The following HSPBAP1 variants were observed in gnomAD, a reference collection of about 807,000 sequenced individuals.
The protein encoded by HSPBAP1 is HSPB1 associated protein 1, also known as HSPB1-associated protein 1.
Under a neutral mutation model 45.2 loss-of-function variants are expected in HSPBAP1, and 27 were observed. The ratio of observed to expected loss-of-function variants is 0.60; its 90% CI spans 0.44 to 0.82. HSPBAP1 has a LOEUF of 0.82. Ranked by LOEUF, HSPBAP1 falls within the 40% of genes least tolerant of loss-of-function variation. The probability of loss-of-function intolerance (pLI) is 0.00; values close to 1 mark genes in which losing one functional copy is unlikely to be tolerated. For missense variants in HSPBAP1, 510 were observed against 590.9 expected (o/e 0.86, Z 1.42); for synonymous variants, 204 against 202.7 (o/e 1.01, Z -0.06).
intron 1 of HSPBAP1, 69 bp downstream of exon 1, chr3:122,793,548 C>A: frequency 1.4e-6 from 2 of 1,447,190 alleles, no homozygotes; most frequent in South Asian, 2.3e-5. Flanking sequence ...AACGGCCCCA[C>A]GAGGGGTGCC....
chr3:122,760,179 T>C (rs1346371557), intron 3 of HSPBAP1, among the ~76,000 whole-genome samples: 2 of 152,166 alleles, frequency 1.3e-5, no homozygotes, highest in Non-Finnish European at 2.9e-5. Context: ...GCCTATACTT[T>C]TAGAAGCCGA....
rs748802519 is a variant in HSPBAP1, at chr3:122,740,574, T to A, written c.1238A>T (p.Asp413Val). 6.2e-7 allele frequency: 1 copy of A among 1,614,228 alleles called. No homozygotes were observed. The highest frequency in any genetic ancestry group is 2.2e-5 in the East Asian group (1 of 44,886). The change falls in exon 8 of 8, where the codon GAT becomes GTT. Residue 413 changes from aspartate (D) to valine (V), a missense_variant. Physicochemically the swap from Asp to Val is radical, Grantham distance 152 (BLOSUM62 -3). Transcript: ENST00000306103. ...ATCCTTGTCCACAAAGTCTTTCCCA[T>A]CACTTCCAAATATGCCTCCTCTTTC... is the stretch of plus-strand genomic sequence containing the variant. The part of the protein sequence containing the change: ...PSERGGIFGS[D>V]GKDFVDKDGE...
At chr3:122,787,308 T>TA (rs1935688290) in intron 1 of HSPBAP1, among the ~76,000 whole-genome samples, 1 of 152,212 alleles carries the variant, frequency 6.6e-6, no homozygotes, top group African/African-American at 2.4e-5. Flanking sequence ...AAGTACAAGA[T>TA]AATTTGAAAC....
intron 4 of HSPBAP1, among the ~76,000 whole-genome samples, chr3:122,756,893 G>T (rs1031150970): frequency 6.6e-6 from 1 of 152,048 alleles, no homozygotes; most frequent in African/African-American, 2.4e-5. Context: ...GATATGCTTC[G>T]AATGTTAGAG....
chr3:122,781,147 C>T (rs536365505), intron 1 of HSPBAP1, among the ~76,000 whole-genome samples: 61 of 150,674 alleles, frequency 4.0e-4, no homozygotes, highest in African/African-American at 1.3e-3. Context: ...ACTTCCCAGA[C>T]GGGGTGGCGG....
chr3:122,779,977 C>T, intron 1 of HSPBAP1, among the ~76,000 whole-genome samples: 1 of 152,056 alleles, frequency 6.6e-6, no homozygotes. Flanking sequence ...TTCCATTCCA[C>T]AAAACCGCCA....
At chr3:122,777,294 A>G (rs555455868) in intron 2 of HSPBAP1, among the ~76,000 whole-genome samples, 8 of 152,234 alleles carry the variant, frequency 5.3e-5, no homozygotes, top group Non-Finnish European at 1.0e-4. Context: ...AACTATAAAT[A>G]GTGCCCGAAG....
intron 3 of HSPBAP1, 70 bp downstream of exon 3, chr3:122,768,631 G>C (rs1444986514): frequency 1.9e-6 from 2 of 1,030,060 alleles, no homozygotes; most frequent in African/African-American, 3.2e-5. Context: ...AGGTGCCAGG[G>C]AGATTCTAAT....
Position 122,787,266 on chromosome 3 carries a change from G to A in HSPBAP1, c.64+6351C>T, listed in dbSNP as rs1000272972. ...TGAAACATCATCAAAAATAAATTGC[G>A]TCCTTCTCAGTAATTTTTTAAAATT... On this transcript the variant is annotated intron_variant, in intron 1 of 7. Coordinates refer to ENST00000306103, the MANE Select transcript of HSPBAP1 (RefSeq NM_024610.6). 3.7e-4 allele frequency among the ~76,000 whole-genome samples: 57 copies of A among 152,202 alleles called. 1 individual carries two copies. The highest frequency in any genetic ancestry group is 1.1e-3 in the African/African-American group (46 of 41,536).
chr3:122,777,824 C>A lies in HSPBAP1; in HGVS notation c.147G>T (p.Met49Ile), dbSNP rs1185568432. ...AGTGTCGTGCTGGCCAATCAAACAC[C>A]ATGTTACAGAAGATTGCAGGTTGTT... Reference protein sequence around the residue: ...SLQQPAIFCNMVFDWPARHWN... With the variant: ...SLQQPAIFCNIVFDWPARHWN... Residue 49 changes from methionine (M) to isoleucine (I), a missense_variant, in exon 2 of 8, where the codon ATG (methionine) becomes ATT (isoleucine). Met to Ile is a conservative substitution (Grantham distance 10). Coordinates refer to ENST00000306103, the MANE Select transcript of HSPBAP1 (RefSeq NM_024610.6). The A allele has an allele frequency of 6.2e-7, 1 of 1,613,694 alleles. No homozygotes were observed. The highest frequency in any genetic ancestry group is 8.5e-7 in the Non-Finnish European group (1 of 1,179,774).
At position 122,778,144 on chromosome 3, in the gene HSPBAP1, GC is replaced by G. The variant is rs769503902; in HGVS notation, c.65-239del. On this transcript the variant is annotated intron_variant, in intron 1 of 7. Transcript: ENST00000306103. ...TTGTTACATGGGTATATTGTAGAAT[GC>G]CAAGATTTGGGTTTCTATTGAACCT... 4.6e-5 allele frequency among the ~76,000 whole-genome samples: 7 copies of G among 151,028 alleles called. No homozygotes were observed. The South Asian group carries it at 1.3e-3, about 27-fold the overall frequency.
At chr3:122,757,965 C>T (rs1934416492) in intron 4 of HSPBAP1, among the ~76,000 whole-genome samples, 1 of 152,194 alleles carries the variant, frequency 6.6e-6, no homozygotes, top group Non-Finnish European at 1.5e-5. Context: ...CAGCGTGTAG[C>T]TATGTACCTG....
chr3:122,758,959 C>T, intron 4 of HSPBAP1: 1 of 394,948 alleles, frequency 2.5e-6, no homozygotes, highest in Non-Finnish European at 4.8e-6. Context: ...AGTGGAATCT[C>T]AGAGTTCTAG....
intron 1 of HSPBAP1, among the ~76,000 whole-genome samples, chr3:122,780,337 C>A (rs1197120648): frequency 3.4e-5 from 3 of 87,158 alleles, no homozygotes; most frequent in Admixed American, 1.1e-4. Context: ...GGGGGGCTGA[C>A]CCCCCCACCT....
chr3:122,763,054 T>A (rs1934655770), intron 3 of HSPBAP1, among the ~76,000 whole-genome samples: 1 of 152,244 alleles, frequency 6.6e-6, no homozygotes, highest in Non-Finnish European at 1.5e-5. Flanking sequence ...TTCATACACA[T>A]CTGGGATTAT....
In HSPBAP1 at chr3:122,759,301, C is replaced by G; in HGVS notation, c.492G>C (p.Trp164Cys). The change falls in exon 4 of 8, where the codon TGG becomes TGC. Residue 164 changes from tryptophan to cysteine, a missense_variant. By Grantham distance (215) the Trp-to-Cys change is radical. Transcript: ENST00000306103. ...GTGTGTGGGCTCCCAAGGAGCCAAT[C>G]CACAATGTACTTTCCTGTCCATTTC... ...PGRNGQESTLWIGSLGAHTPC... is the reference protein window; with the variant it reads ...PGRNGQESTLCIGSLGAHTPC... The G allele has an allele frequency of 6.2e-7, 1 of 1,613,926 alleles. No individual in the cohort carries two copies. Among genetic ancestry groups the G allele is most frequent in the Non-Finnish European group, 8.5e-7 (1 of 1,179,918 alleles).
At chr3:122,750,515 A>ATTATCTATC (rs1553752345) in intron 6 of HSPBAP1, among the ~76,000 whole-genome samples, 3 of 149,038 alleles carry the variant, frequency 2.0e-5, no homozygotes, top group Non-Finnish European at 3.0e-5. Context: ...AAATACATCA[A>ATTATCTATC]TATCTATCTA....
At chr3:122,777,095 G>A (rs1935212921) in intron 2 of HSPBAP1, among the ~76,000 whole-genome samples, 1 of 152,148 alleles carries the variant, frequency 6.6e-6, no homozygotes, top group African/African-American at 2.4e-5. Flanking sequence ...AATGGTAATT[G>A]CTTTATCTGA....
At chr3:122,748,817 A>C (rs1448149949) in intron 6 of HSPBAP1, among the ~76,000 whole-genome samples, 3 of 152,238 alleles carry the variant, frequency 2.0e-5, no homozygotes, top group Non-Finnish European at 4.4e-5. Flanking sequence ...TTGTAATTAC[A>C]AAAGACTGGA....
Sources: gnomAD v4.1 joint callset for allele counts (sites outside exome capture counted in the v4.1 genomes callset) on GRCh38, gnomAD v4.1.1 for gene constraint, MANE v1.5 for transcripts, NCBI Gene and HGNC (gene_info 2026-07-23, HGNC 2026-07-21) for gene names.